The following TRIM34 variants were observed in gnomAD, a reference collection of about 807,000 sequenced individuals.
TRIM34 encodes the protein E3 ubiquitin-protein ligase TRIM34.
A neutral mutation model predicts 38.1 loss-of-function variants in TRIM34; 41 were observed. That is an observed-to-expected ratio of 1.08 (90% CI 0.84 to 1.40). The LOEUF is 1.40. Ranked by LOEUF, TRIM34 falls within the 40% of genes most tolerant of loss-of-function variation. The probability of loss-of-function intolerance (pLI) is 0.00; values close to 1 mark genes in which losing one functional copy is unlikely to be tolerated. For synonymous variants in TRIM34, 200 were observed against 202.5 expected, an observed-to-expected ratio of 0.99 and a Z score of 0.10; for missense variants, 556 against 571.4, an observed-to-expected ratio of 0.97 and a Z score of 0.27.
intron 6 of TRIM34, 27 bp from the exon 7 acceptor site, chr11:5,642,790 G>C (rs1850071831): frequency 6.2e-7 from 1 of 1,613,552 alleles, no homozygotes; most frequent in Admixed American, 1.7e-5. Flanking sequence ...TTTCTAATCA[G>C]CATCACTGAA....
At chr11:5,639,228 G>A (rs10838476) in intron 4 of TRIM34, among the ~76,000 whole-genome samples, 42,988 of 151,896 alleles carry the variant, frequency 0.28, 6,870 homozygotes, top group East Asian at 0.62. Context: ...TTTAACTTAC[G>A]CATTCATCAA....
chr11:5,633,983 G>A, intron 3 of TRIM34, 84 bp downstream of exon 3: 4 of 1,423,258 alleles, frequency 2.8e-6, no homozygotes, highest in East Asian at 2.4e-5. Flanking sequence ...TTTATTCCTT[G>A]ACATTGCATG....
Position 5,634,825 on chromosome 11 carries a change from G to C in TRIM34, c.714G>C (p.Glu238Asp), listed in dbSNP as rs1313997048. Reference protein sequence around the residue: ...QLVRELISDVECRSQWSTMEL... With the variant: ...QLVRELISDVDCRSQWSTMEL... ...TGAGAGAGCTCATCTCAGATGTGGA[G>C]TGTCGGAGTCAGTGGTCAACAATGG... The change falls in exon 4 of 8, where the codon GAG becomes GAC. Residue 238 changes from glutamate (E) to aspartate (D), a missense_variant. Coordinates refer to ENST00000429814, the MANE Select transcript of TRIM34 (RefSeq NM_021616.6). 1 of 1,613,332 alleles carries C rather than the reference G, an allele frequency of 6.2e-7. No individual in the cohort carries two copies. The highest frequency in any genetic ancestry group is 1.3e-5 in the African/African-American group (1 of 74,894).
chr11:5,632,969 G>GGCGCCTGCCACC, intron 2 of TRIM34, among the ~76,000 whole-genome samples: 1 of 148,634 alleles, frequency 6.7e-6, no homozygotes, highest in South Asian at 2.2e-4. Flanking sequence ...TCGGATTACA[G>GGCGCCTGCCACC]GCGCCTGCCA....
chr11:5,639,318 T>G (rs1849882972), intron 4 of TRIM34, among the ~76,000 whole-genome samples: 1 of 152,090 alleles, frequency 6.6e-6, no homozygotes, highest in South Asian at 2.1e-4. Context: ...TATAGAAACA[T>G]GATTACAGAC....
chr11:5,642,867 T>C, intron 7 of TRIM34, 24 bp downstream of exon 7: 1 of 1,613,756 alleles, frequency 6.2e-7, no homozygotes, highest in Non-Finnish European at 8.5e-7. Context: ...AGTCTTTAAA[T>C]AACTGTTTTC....
upstream of TRIM34, among the ~76,000 whole-genome samples, chr11:5,623,140 T>C (rs1444971388): frequency 1.4e-5 from 2 of 146,374 alleles, no homozygotes; most frequent in Admixed American, 6.8e-5. Flanking sequence ...TTAGTAGCTG[T>C]CTTTTTTTGG....
chr11:5,625,779 T>C (rs188408912), intron 1 of TRIM34, among the ~76,000 whole-genome samples: 125 of 152,366 alleles, frequency 8.2e-4, no homozygotes, highest in African/African-American at 2.9e-3. Context: ...GTAACCCATG[T>C]GCTACCAGCG....
chr11:5,623,381 T>A (rs1849065361), upstream of TRIM34, among the ~76,000 whole-genome samples: 1 of 152,036 alleles, frequency 6.6e-6, no homozygotes, highest in Non-Finnish European at 1.5e-5. Context: ...ATTTTTTTAT[T>A]TTTTGAGACA....
At chr11:5,621,094 T>C (rs75450536), upstream of TRIM34, among the ~76,000 whole-genome samples, 4,392 of 152,302 alleles carry the variant, frequency 0.029, 213 homozygotes, top group African/African-American at 0.1. Flanking sequence ...CACTCATCCA[T>C]AGCAACTGGA....
chr11:5,627,633 G>C lies in TRIM34; in HGVS notation c.-78+2573G>C, dbSNP rs201503727. ...CAGAACACTACAGCTCTTGGGGAGA[G>C]AGTCATTAATGTGGTATAGATTGGG... On this transcript the variant is annotated intron_variant, in intron 1 of 7. Coordinates refer to ENST00000429814, the MANE Select transcript of TRIM34 (RefSeq NM_021616.6). 9.2e-5 allele frequency among the ~76,000 whole-genome samples: 14 copies of C among 152,300 alleles called. No homozygotes were observed. In the East Asian group the frequency reaches 2.7e-3, roughly 29 times the overall value.
At chr11:5,639,822 C>CT (rs1313463865) in intron 4 of TRIM34, among the ~76,000 whole-genome samples, 1 of 150,326 alleles carries the variant, frequency 6.7e-6, no homozygotes, top group African/African-American at 2.4e-5. Context: ...AATATAGAAG[C>CT]TTTTTTAAAA....
exon 1 of TRIM34, chr11:5,619,983 A>C (rs904350106): frequency 6.6e-6 from 1 of 151,484 alleles, no homozygotes; most frequent in African/African-American, 2.4e-5. Flanking sequence ...TACAGGTGTG[A>C]GCCACTGCGC....
upstream of TRIM34, chr11:5,624,979 T>C (rs540034036): frequency 1.3e-5 from 2 of 152,330 alleles, no homozygotes; most frequent in East Asian, 3.9e-4. Flanking sequence ...GGAACCTCAT[T>C]TGTTGAATGA....
intron 4 of TRIM34, among the ~76,000 whole-genome samples, chr11:5,638,845 A>C (rs1235632254): frequency 6.6e-6 from 1 of 152,114 alleles, no homozygotes; most frequent in Non-Finnish European, 1.5e-5. Context: ...AAGGGAGTTT[A>C]TTTTTGCAAC....
upstream of TRIM34, among the ~76,000 whole-genome samples, chr11:5,623,150 G>A (rs1046794881): frequency 4.3e-5 from 6 of 139,468 alleles, no homozygotes; most frequent in Non-Finnish European, 7.6e-5. Context: ...TCTTTTTTTG[G>A]AATAGAATGG....
chr11:5,633,624 T>C (rs1290683758), intron 2 of TRIM34, among the ~76,000 whole-genome samples, 180 bp from the exon 3 acceptor site: 1 of 152,206 alleles, frequency 6.6e-6, no homozygotes, highest in Admixed American at 6.5e-5. Flanking sequence ...TTCATCACAA[T>C]GAATGAACAA....
chr11:5,639,507 C>T (rs749975250), intron 4 of TRIM34, among the ~76,000 whole-genome samples: 5 of 151,458 alleles, frequency 3.3e-5, no homozygotes, highest in African/African-American at 9.7e-5. Context: ...AGTGAAACCC[C>T]GTCTCTACTA....
At chr11:5,635,980 G>A (rs926506082) in intron 4 of TRIM34, among the ~76,000 whole-genome samples, 1 of 152,214 alleles carries the variant, frequency 6.6e-6, no homozygotes, top group Non-Finnish European at 1.5e-5. Flanking sequence ...CTGCTTGGCA[G>A]TTGCTCAGAA....
Sources: gnomAD v4.1 joint callset for allele counts (sites outside exome capture counted in the v4.1 genomes callset) on GRCh38, gnomAD v4.1.1 for gene constraint, MANE v1.5 for transcripts, NCBI Gene and HGNC (gene_info 2026-07-23, HGNC 2026-07-21) for gene names.